Variants in RBPJL observed in about 807,000 individuals in gnomAD.
RBPJL encodes recombining binding protein suppressor of hairless-like protein.
RBPJL carries 50 observed loss-of-function variants against 57.6 expected under a neutral mutation model. The ratio of observed to expected loss-of-function variants is 0.87; its 90% CI spans 0.69 to 1.10. RBPJL has a LOEUF of 1.10. Among genes scored for constraint, RBPJL ranks in the 50% least tolerant of loss-of-function variants. The probability of loss-of-function intolerance (pLI) is 0.00; values close to 1 mark genes in which losing one functional copy is unlikely to be tolerated. For missense variants in RBPJL, 684 were observed against 693.7 expected (o/e 0.99, Z 0.16); for synonymous variants, 303 against 294.4 (o/e 1.03, Z -0.30).
chr20:45,309,740 A>T (rs551165958), intron 3 of RBPJL, 48 bp downstream of exon 3: 7 of 1,606,932 alleles, frequency 4.4e-6, no homozygotes, highest in Middle Eastern at 3.3e-4. Context: ...TGTCAGCCCT[A>T]TGCACCTCCT....
chr20:45,314,233 C>T (rs1296953245), intron 8 of RBPJL, 89 bp downstream of exon 8: 2 of 1,324,202 alleles, frequency 1.5e-6, no homozygotes, highest in East Asian at 2.3e-5. Flanking sequence ...GAGTGAGGCC[C>T]CAAGGCATGG....
In RBPJL at chr20:45,309,566, G is replaced by C; in HGVS notation, c.132-1G>C. On this transcript the variant is annotated splice_acceptor_variant, in intron 2 of 11. Coordinates refer to ENST00000343694, the MANE Select transcript of RBPJL (RefSeq NM_014276.4). LOFTEE classifies it high-confidence loss of function. Reference sequence around the variant, plus strand: ...GGTCGACCTGCCTGCCCTACTCCCAGGTCATCCCCAGAGCACACCACCATT... The same window carrying C: ...GGTCGACCTGCCTGCCCTACTCCCACGTCATCCCCAGAGCACACCACCATT... 6.2e-7 allele frequency: 1 copy of C among 1,605,332 alleles called. No homozygotes were observed. The highest frequency in any genetic ancestry group is 8.5e-7 in the Non-Finnish European group (1 of 1,175,526).
intron 1 of RBPJL, 115 bp downstream of exon 1, chr20:45,307,059 C>T (rs1193960083): frequency 4.9e-6 from 3 of 612,782 alleles, no homozygotes; most frequent in South Asian, 8.5e-5. Flanking sequence ...GGAGGCAGCC[C>T]GCCGAACTGC....
At chr20:45,312,455 G>C in intron 6 of RBPJL, 60 bp downstream of exon 6, 2 of 1,539,852 alleles carry the variant, frequency 1.3e-6, no homozygotes, top group Non-Finnish European at 1.8e-6. Context: ...AGCCCAGAAC[G>C]GCTAAACTGG....
rs115744323 is a variant in RBPJL at position 45,308,196 on chromosome 20, G to C, written c.76G>C (p.Glu26Gln). 2,950 of 1,614,140 alleles carry C rather than the reference G, an allele frequency of 1.8e-3. 49 individuals carry two copies. The African/African-American group carries it at 0.034, about 19-fold the overall frequency. The change falls in exon 2 of 12, where the codon GAG becomes CAG. Residue 26 changes from glutamate to glutamine, a missense_variant. By Grantham distance (29) the Glu-to-Gln change is conservative. Transcript: ENST00000343694. ...LTHLSLQDRSEMQLQSEADRR... is the reference protein window; with the variant it reads ...LTHLSLQDRSQMQLQSEADRR... ...TCACCTGAGCCTGCAGGACAGATCAGAGATGCAGCTGCAGAGCGAAGCCGA... is the reference window on the plus strand; with the variant it reads ...TCACCTGAGCCTGCAGGACAGATCACAGATGCAGCTGCAGAGCGAAGCCGA...
chr20:45,316,096 T>G, intron 9 of RBPJL, 91 bp from the exon 10 acceptor site: 1 of 1,285,548 alleles, frequency 7.8e-7, no homozygotes, highest in Non-Finnish European at 1.1e-6. Flanking sequence ...TCCAGTTCGG[T>G]CTAACGCAGA....
chr20:45,311,564 C>A (rs745714001), intron 3 of RBPJL, 25 bp from the exon 4 acceptor site: 5 of 1,612,642 alleles, frequency 3.1e-6, no homozygotes, highest in South Asian at 2.2e-5. Flanking sequence ...GGATGCACGA[C>A]TCCAACACTC....
rs199947473 is a variant in RBPJL, at chr20:45,308,219, C to T, written c.99C>T (p.Ala33=). 9.4e-5 allele frequency: 151 copies of T among 1,613,996 alleles called. 1 individual carries two copies. In the East Asian group the frequency reaches 2.0e-3, roughly 21 times the overall value. Reference sequence around the variant, plus strand: ...CAGAGATGCAGCTGCAGAGCGAAGCCGACAGGCGGAGCCTCCCGGGCACTT... The same window carrying T: ...CAGAGATGCAGCTGCAGAGCGAAGCTGACAGGCGGAGCCTCCCGGGCACTT... The part of the protein sequence containing the change: ...DRSEMQLQSE[A]DRRSLPGTWT... Residue 33 remains alanine (A), a synonymous_variant, in exon 2 of 12, where the codon GCC becomes GCT. Transcript: ENST00000343694.
In RBPJL at chr20:45,316,936, T is replaced by C. The variant is rs1420019549; in HGVS notation, c.1531T>C (p.Phe511Leu). ...SIHQEFTRTNFHLFIQT is the reference protein window; with the variant it reads ...SIHQEFTRTNLHLFIQT ...CCATCAGGAGTTCACGCGCACCAACTTCCACCTCTTCATCCAGACTTAGGC... is the reference window on the plus strand; with the variant it reads ...CCATCAGGAGTTCACGCGCACCAACCTCCACCTCTTCATCCAGACTTAGGC... The change falls in exon 12 of 12, where the codon TTC (phenylalanine) becomes CTC (leucine). Residue 511 changes from phenylalanine to leucine, a missense_variant. Coordinates refer to ENST00000343694, the MANE Select transcript of RBPJL (RefSeq NM_014276.4). 1.9e-6 allele frequency: 3 copies of C among 1,612,426 alleles called. No individual in the cohort carries two copies. Among genetic ancestry groups the C allele is most frequent in the Admixed American group, 3.3e-5 (2 of 59,920 alleles).
At position 45,316,846 on chromosome 20, in the gene RBPJL, G is replaced by C. The variant is rs754503250; in HGVS notation, c.1441G>C (p.Val481Leu). Residue 481 changes from valine to leucine, a missense_variant, in exon 12 of 12, where the codon GTG (valine) becomes CTG (leucine). Transcript: ENST00000343694. The part of the protein sequence containing the change: ...FSFTYTPEYS[V>L]RPGHPGVPEP... Reference sequence around the variant, plus strand: ...CTTCACCTACACCCCGGAATACAGCGTGCGGCCGGGTCACCCCGGCGTCCC... The same window carrying C: ...CTTCACCTACACCCCGGAATACAGCCTGCGGCCGGGTCACCCCGGCGTCCC... The C allele has an allele frequency of 1.2e-6, 2 of 1,613,894 alleles. No individual in the cohort carries two copies. The highest frequency in any genetic ancestry group is 1.7e-6 in the Non-Finnish European group (2 of 1,179,850).
rs751507015 is a variant in RBPJL, at chr20:45,312,226, C to A, written c.450C>A (p.Phe150Leu). ...NFEQQPDSRE[F>L]GCAKTLYISD... ...TGTACCTGTGAGCCCCCTAGGAATT[C>A]GGCTGCGCCAAGACCCTGTACATCT... The change falls in exon 6 of 12, where the codon TTC becomes TTA. Residue 150 changes from phenylalanine (F) to leucine (L), a missense_variant. Transcript: ENST00000343694. The A allele has an allele frequency of 3.7e-6, 6 of 1,614,078 alleles. No homozygotes were observed. The highest frequency in any genetic ancestry group is 1.3e-5 in the African/African-American group (1 of 74,954).
At position 45,316,529 on chromosome 20, in the gene RBPJL, A is replaced by G; in HGVS notation, c.1229A>G (p.His410Arg). The G allele has an allele frequency of 6.5e-7, 1 of 1,541,806 alleles. No individual in the cohort carries two copies. Among genetic ancestry groups the G allele is most frequent in the South Asian group, 1.2e-5 (1 of 82,770 alleles). Residue 410 changes from histidine to arginine, a missense_variant, in exon 11 of 12, where the codon CAC (histidine) becomes CGC (arginine). His to Arg is a conservative substitution (Grantham distance 29). Transcript: ENST00000343694. The stretch of plus-strand genomic sequence containing the variant: ...CTGGAGCTCCACGGAGAGAACTTCC[A>G]CGCGGGGCTCAAGGTGTGGTTTGGG... ...ATLELHGENF[H>R]AGLKVWFGDV...
Position 45,309,598 on chromosome 20 carries a change from G to C in RBPJL, c.163G>C (p.Gly55Arg). Residue 55 changes from glycine (G) to arginine (R), a missense_variant, in exon 3 of 12, where the codon GGA (glycine) becomes CGA (arginine). Transcript: ENST00000343694. ...CCCAGAGCACACCACCATTCTGAGG[G>C]GAGGCGTGCGCAGGTGCCTGCAGCA... Reference protein sequence around the residue: ...SSPEHTTILRGGVRRCLQQQC... With the variant: ...SSPEHTTILRRGVRRCLQQQC... The C allele has an allele frequency of 1.9e-6, 3 of 1,613,092 alleles. No homozygotes were observed. Among genetic ancestry groups the C allele is most frequent in the Non-Finnish European group, 2.5e-6 (3 of 1,179,548 alleles).
Position 45,316,318 on chromosome 20 carries a change from G to T in RBPJL, c.1152G>T (p.Pro384=), listed in dbSNP as rs2741500. Residue 384 remains proline (P), a synonymous_variant, in exon 10 of 12, where the codon CCG becomes CCT. Transcript: ENST00000343694. ...CGTGTACCCTGGAGCCGGTCACTCCGGTGCCTCTCATCAGCACCCTAGAGG... is the reference window on the plus strand; with the variant it reads ...CGTGTACCCTGGAGCCGGTCACTCCTGTGCCTCTCATCAGCACCCTAGAGG... ...SLACTLEPVT[P]VPLISTLELS... 322,652 of 1,613,854 alleles carry T rather than the reference G, an allele frequency of 0.2. 34,146 individuals carry two copies. Among genetic ancestry groups the T allele is most frequent in the Middle Eastern group, 0.26 (1,540 of 6,038 alleles).
rs1470539414 is a variant in RBPJL, at chr20:45,306,962, C to T, written c.22+18C>T. On this transcript the variant is annotated intron_variant, in intron 1 of 11. Transcript: ENST00000343694. ...GGCAGCAGGTGAGCGCTTACCCTCC[C>T]GAGGCCCCGGAGACGCCCCGTGAGA... 2 of 1,250,942 alleles carry T rather than the reference C, an allele frequency of 1.6e-6. No individual in the cohort carries two copies. Among genetic ancestry groups the T allele is most frequent in the Admixed American group, 4.2e-5 (1 of 23,748 alleles). 77.5% of individuals were successfully genotyped at this position (1,250,942 alleles called of 1,614,324 possible).
At chr20:45,312,116 TTCTGG>T in intron 5 of RBPJL, 100 bp from the exon 6 acceptor site, 1 of 1,486,240 alleles carries the variant, frequency 6.7e-7, no homozygotes, top group Non-Finnish European at 9.3e-7. Flanking sequence ...ATGGTGGAGC[TTCTGG>T]TCACCTCCGA....
rs1987529442 is a variant in RBPJL, at chr20:45,317,439, A to AG, written c.*485dup. 1 of 157,170 alleles carries AG rather than the reference A, an allele frequency of 6.4e-6. No individual in the cohort carries two copies. The highest frequency in any genetic ancestry group is 1.4e-5 in the Non-Finnish European group (1 of 71,720). The allele number at this position is 157,170 out of a possible 1,614,324, so 9.7% of individuals were successfully genotyped here. A position where few individuals can be genotyped will look rare whatever the true frequency, so the allele number is the denominator to read the frequency against. Reference sequence around the variant, plus strand: ...CACACAGCTTCACACATCCAGGCATAGGGGGCAAGCTCTTGGGGCATCAGG... The same window carrying AG: ...CACACAGCTTCACACATCCAGGCATAGGGGGGCAAGCTCTTGGGGCATCAGG... On this transcript the variant is annotated 3_prime_UTR_variant, in exon 12 of 12. Transcript: ENST00000343694.
At chr20:45,308,080 C>T in intron 1 of RBPJL, 63 bp from the exon 2 acceptor site, 1 of 1,201,100 alleles carries the variant, frequency 8.3e-7, no homozygotes, top group East Asian at 2.4e-5. Flanking sequence ...GATAGGGCAC[C>T]CTAGGCAGCG....
chr20:45,313,892 C>T (rs1475744511), intron 7 of RBPJL, 143 bp from the exon 8 acceptor site: 2 of 722,018 alleles, frequency 2.8e-6, no homozygotes, highest in Non-Finnish European at 4.8e-6. Flanking sequence ...GAATTAGAAC[C>T]TTCAGTTGGC....
Sources: gnomAD v4.1 joint callset for allele counts on GRCh38, gnomAD v4.1.1 for gene constraint, MANE v1.5 for transcripts, NCBI Gene and HGNC (gene_info 2026-07-23, HGNC 2026-07-21) for gene names.